The following CNTN1 variants were observed in gnomAD, a reference collection of about 807,000 sequenced individuals.
CNTN1 encodes contactin 1.
A neutral mutation model predicts 126.4 loss-of-function variants in CNTN1; 38 were observed. That is an observed-to-expected ratio of 0.30 (90% CI 0.23 to 0.39). The LOEUF is 0.39. CNTN1 is among the 10% of genes least tolerant of loss of function. The probability of loss-of-function intolerance (pLI) is 1.00; values close to 1 mark genes in which losing one functional copy is unlikely to be tolerated. For synonymous variants in CNTN1, 413 were observed against 422.6 expected, an observed-to-expected ratio of 0.98 and a Z score of 0.28; for missense variants, 1,009 against 1,248.4, an observed-to-expected ratio of 0.81 and a Z score of 2.89.
intron 1 of CNTN1, among the ~76,000 whole-genome samples, chr12:40,795,303 ACACACACACACACACATT>A (rs1565746452): frequency 1.3e-4 from 2 of 15,718 alleles, no homozygotes; most frequent in Non-Finnish European, 1.6e-4. Context: ...ACACACACAC[ACACACACACACACACATT>A]TTTTTTTTTT....
At chr12:40,890,335 G>A (rs937184717) in intron 1 of CNTN1, among the ~76,000 whole-genome samples, 1 of 152,038 alleles carries the variant, frequency 6.6e-6, no homozygotes, top group Non-Finnish European at 1.5e-5. Flanking sequence ...CGATGAACCC[G>A]CACTGATACA....
At chr12:40,902,600 A>G (rs1944648584) in intron 1 of CNTN1, among the ~76,000 whole-genome samples, 1 of 152,158 alleles carries the variant, frequency 6.6e-6, no homozygotes, top group African/African-American at 2.4e-5. Context: ...TAAAAGTGAT[A>G]TGACCATTTG....
intron 1 of CNTN1, among the ~76,000 whole-genome samples, chr12:40,815,396 A>G (rs768080287): frequency 1.3e-5 from 2 of 151,852 alleles, no homozygotes; most frequent in Non-Finnish European, 2.9e-5. Flanking sequence ...TAGGTATTTT[A>G]TTCTTTTTGT....
chr12:40,778,162 G>A (rs958231881), intron 1 of CNTN1, among the ~76,000 whole-genome samples: 19 of 151,674 alleles, frequency 1.3e-4, no homozygotes, highest in Non-Finnish European at 2.7e-4. Context: ...CTGAATGTTG[G>A]ACAAAACTAT....
intron 1 of CNTN1, among the ~76,000 whole-genome samples, chr12:40,776,628 T>A (rs1315519459): frequency 1.3e-5 from 2 of 151,744 alleles, no homozygotes; most frequent in Non-Finnish European, 3.0e-5. Context: ...CTATCCCTAC[T>A]TCCTTCTTTT....
At chr12:41,043,719 A>G (rs1409278419) in intron 23 of CNTN1, among the ~76,000 whole-genome samples, 1 of 152,034 alleles carries the variant, frequency 6.6e-6, no homozygotes. Context: ...TAGAGGCACT[A>G]TTCCCAATAG....
At chr12:40,703,287 T>G (rs1176773109) in intron 1 of CNTN1, among the ~76,000 whole-genome samples, 2 of 152,152 alleles carry the variant, frequency 1.3e-5, no homozygotes, top group Non-Finnish European at 2.9e-5. Context: ...TAGACTAAAT[T>G]TTGCTATTTT....
chr12:41,065,345 G>A (rs767066889), intron 23 of CNTN1, among the ~76,000 whole-genome samples: 7 of 152,192 alleles, frequency 4.6e-5, no homozygotes, highest in Non-Finnish European at 8.8e-5. Context: ...GTGAGCCACC[G>A]CACCCGGCCT....
chr12:41,014,274 CAG>C lies in CNTN1; in HGVS notation c.2165_2166del (p.Glu722AlafsTer25). The C allele has an allele frequency of 6.2e-7, 1 of 1,613,924 alleles. No individual in the cohort carries two copies. Among genetic ancestry groups the C allele is most frequent in the African/African-American group, 1.3e-5 (1 of 75,040 alleles). ...SDVGGGGGRN[R>X]ELTITWAPLS... ...ATGTAGGAGGTGGAGGTGGAAGAAA[CAG>C]AGAGCTGACCATAACATGGGCGGTA... On this transcript the variant is annotated frameshift_variant, in exon 18 of 24. Transcript: ENST00000551295. LOFTEE classifies it high-confidence loss of function.
chr12:40,901,890 G>A (rs1356044404), intron 1 of CNTN1, among the ~76,000 whole-genome samples: 1 of 152,144 alleles, frequency 6.6e-6, no homozygotes, highest in Admixed American at 6.5e-5. Context: ...CATAGAAAAT[G>A]GTTAGACTTT....
chr12:40,944,607 G>A (rs1057177535), intron 14 of CNTN1, among the ~76,000 whole-genome samples: 1 of 151,960 alleles, frequency 6.6e-6, no homozygotes, highest in African/African-American at 2.4e-5. Flanking sequence ...GGAGAATTTG[G>A]AGAATTAGTT....
chr12:40,758,198 G>T lies in CNTN1; in HGVS notation c.-77+65606G>T, dbSNP rs572234812. Reference sequence around the variant, plus strand: ...TCTGTAATCACATCAGTGATTTAATGTTTCTAATAATTTACATTTTTAAGC... The same window carrying T: ...TCTGTAATCACATCAGTGATTTAATTTTTCTAATAATTTACATTTTTAAGC... On this transcript the variant is annotated intron_variant, in intron 1 of 23. Coordinates refer to ENST00000551295, the MANE Select transcript of CNTN1 (RefSeq NM_001843.4). 2.7e-5 allele frequency among the ~76,000 whole-genome samples: 4 copies of T among 150,408 alleles called. No homozygotes were observed. In the East Asian group the frequency reaches 7.8e-4, roughly 29 times the overall value.
chr12:40,943,733 A>G lies in CNTN1; in HGVS notation c.1507+9A>G, dbSNP rs1404208306. 4 of 1,612,556 alleles carry G rather than the reference A, an allele frequency of 2.5e-6. No homozygotes were observed. The highest frequency in any genetic ancestry group is 3.4e-6 in the Non-Finnish European group (4 of 1,179,018). On this transcript the variant is annotated intron_variant, in intron 13 of 23. Transcript: ENST00000551295. ...AACCCTTGTTATCACAGGTAAGTTA[A>G]TGTTTGAGGGTGCTTAATTTCTAAT...
At chr12:40,924,727 GC>G in intron 6 of CNTN1, 75 bp downstream of exon 6, 4 of 788,124 alleles carry the variant, frequency 5.1e-6, no homozygotes, top group Non-Finnish European at 9.1e-6. Context: ...TAGTAATAAT[GC>G]TACATTATTA....
At chr12:41,037,894 A>G (rs1208923309) in intron 23 of CNTN1, among the ~76,000 whole-genome samples, 1 of 152,192 alleles carries the variant, frequency 6.6e-6, no homozygotes, top group Non-Finnish European at 1.5e-5. Flanking sequence ...ATGGTGGCTC[A>G]TGCCTATAGT....
At chr12:40,850,059 A>G (rs1942662816) in intron 1 of CNTN1, among the ~76,000 whole-genome samples, 1 of 152,088 alleles carries the variant, frequency 6.6e-6, no homozygotes, top group Non-Finnish European at 1.5e-5. Flanking sequence ...ATATTGATGT[A>G]TATTTGTAAA....
At chr12:40,991,703 C>T (rs1948099554) in intron 16 of CNTN1, among the ~76,000 whole-genome samples, 1 of 152,302 alleles carries the variant, frequency 6.6e-6, no homozygotes, top group South Asian at 2.1e-4. Context: ...TGGCATAAGC[C>T]TGTAGTCCCA....
At chr12:40,740,153 G>A (rs1452643558) in intron 1 of CNTN1, among the ~76,000 whole-genome samples, 1 of 151,818 alleles carries the variant, frequency 6.6e-6, no homozygotes, top group Non-Finnish European at 1.5e-5. Flanking sequence ...ACCTTGTAAT[G>A]AAACATGTTA....
chr12:40,757,864 T>A (rs1938674690), intron 1 of CNTN1, among the ~76,000 whole-genome samples: 1 of 152,154 alleles, frequency 6.6e-6, no homozygotes, highest in Non-Finnish European at 1.5e-5. Context: ...CAAAGTACTA[T>A]AGATTTATTT....
Sources: gnomAD v4.1 joint callset for allele counts (sites outside exome capture counted in the v4.1 genomes callset) on GRCh38, gnomAD v4.1.1 for gene constraint, MANE v1.5 for transcripts, NCBI Gene and HGNC (gene_info 2026-07-23, HGNC 2026-07-21) for gene names.